Variants in PALS2 observed in about 807,000 individuals in gnomAD.
PALS2 encodes protein PALS2.
PALS2 carries 27 observed loss-of-function variants against 61.6 expected under a neutral mutation model. That is an observed-to-expected ratio of 0.44 (90% CI 0.32 to 0.60). PALS2 has a LOEUF of 0.60. Ranked by LOEUF, PALS2 falls within the 20% of genes least tolerant of loss-of-function variation. The pLI, the probability that PALS2 is intolerant of heterozygous loss-of-function variation, is 0.05. For synonymous variants in PALS2, 236 were observed against 218.6 expected (o/e 1.08, Z -0.70); for missense variants, 554 against 639.4 (o/e 0.87, Z 1.44).
In PALS2 at chr7:24,650,727, T is replaced by G. The variant is rs937143118; in HGVS notation, c.651+15T>G. On this transcript the variant is annotated intron_variant, in intron 5 of 11. Coordinates refer to ENST00000222644, the MANE Select transcript of PALS2 (RefSeq NM_001303037.2). Reference sequence around the variant, plus strand: ...CTCCTCAACAGGTTAGTAATAAAATTTTTGGTAGTATTAAAAATACTTTCA... The same window carrying G: ...CTCCTCAACAGGTTAGTAATAAAATGTTTGGTAGTATTAAAAATACTTTCA... 2 of 1,458,894 alleles carry G rather than the reference T, an allele frequency of 1.4e-6. No individual in the cohort carries two copies. Among genetic ancestry groups the G allele is most frequent in the Non-Finnish European group, 1.9e-6 (2 of 1,074,094 alleles). The allele number at this position is 1,458,894 out of a possible 1,614,324, so 90.4% of individuals were successfully genotyped here.
chr7:24,675,814 C>T (rs2128028300), intron 9 of PALS2, among the ~76,000 whole-genome samples: 1 of 122,710 alleles, frequency 8.1e-6, no homozygotes, highest in East Asian at 2.7e-4. Context: ...GGATTGGTTC[C>T]AAGTCTTTGC....
At chr7:24,597,884 G>GA (rs1783580670) in intron 1 of PALS2, among the ~76,000 whole-genome samples, 1 of 152,106 alleles carries the variant, frequency 6.6e-6, no homozygotes, top group Admixed American at 6.6e-5. Flanking sequence ...GAGAACTTGA[G>GA]AAGGGGCAAG....
chr7:24,679,866 A>G (rs1787825768), intron 10 of PALS2, among the ~76,000 whole-genome samples: 1 of 152,084 alleles, frequency 6.6e-6, no homozygotes, highest in Non-Finnish European at 1.5e-5. Context: ...TGCCTTAAAT[A>G]CAAATATATA....
chr7:24,590,845 CTTT>C (rs35467271), intron 1 of PALS2, among the ~76,000 whole-genome samples: 17 of 133,202 alleles, frequency 1.3e-4, no homozygotes, highest in Non-Finnish European at 2.0e-4. Flanking sequence ...TTCTTGGGGA[CTTT>C]TTTTTTTTTT....
intron 5 of PALS2, among the ~76,000 whole-genome samples, chr7:24,653,935 T>C (rs1786286675): frequency 6.6e-6 from 1 of 152,176 alleles, no homozygotes; most frequent in African/African-American, 2.4e-5. Context: ...GATGGAAAAG[T>C]ACCACTTACT....
chr7:24,579,632 G>C (rs55782418), intron 1 of PALS2, among the ~76,000 whole-genome samples: 8,456 of 151,708 alleles, frequency 0.056, 317 homozygotes, highest in African/African-American at 0.1. Context: ...CCGATACTTT[G>C]TATCCTTCAC....
intron 2 of PALS2, among the ~76,000 whole-genome samples, chr7:24,641,216 T>C (rs1785535735): frequency 6.6e-6 from 1 of 152,068 alleles, no homozygotes; most frequent in African/African-American, 2.4e-5. Context: ...CCACTGATTT[T>C]CAACATTGGA....
At chr7:24,588,239 A>G (rs1234970401) in intron 1 of PALS2, among the ~76,000 whole-genome samples, 1 of 152,186 alleles carries the variant, frequency 6.6e-6, no homozygotes, top group African/African-American at 2.4e-5. Flanking sequence ...GCTTGACCAG[A>G]TATCATCCTA....
intron 2 of PALS2, 37 bp from the exon 3 acceptor site, chr7:24,641,675 CAAAT>C (rs760042367): frequency 6.8e-6 from 10 of 1,475,820 alleles, no homozygotes; most frequent in East Asian, 4.6e-5. Flanking sequence ...GTGCAAATAA[CAAAT>C]AAGTATTACT....
Position 24,573,832 on chromosome 7 carries a change from G to A in PALS2, c.-3+239G>A, listed in dbSNP as rs895054937. The stretch of plus-strand genomic sequence containing the variant: ...CCGGCCCGCGCGGAAGGGGCGCTCG[G>A]CCGGGCTCCTGCCTCTCTGGCTGCG... On this transcript the variant is annotated intron_variant, in intron 1 of 11. Transcript: ENST00000222644. The surrounding 1 kb of genome is among the most constrained non-coding windows in gnomAD (Gnocchi z 5.3). 6.7e-6 allele frequency among the ~76,000 whole-genome samples: 1 copy of A among 150,094 alleles called. No individual in the cohort carries two copies. The highest frequency in any genetic ancestry group is 2.4e-5 in the African/African-American group (1 of 41,192).
At chr7:24,580,038 C>T (rs913302037) in intron 1 of PALS2, among the ~76,000 whole-genome samples, 2 of 151,952 alleles carry the variant, frequency 1.3e-5, no homozygotes, top group African/African-American at 2.4e-5. Context: ...GACTGGGGGC[C>T]ATATGCTTAG....
At chr7:24,623,915 A>AC in intron 2 of PALS2, 131 bp downstream of exon 2, 1 of 950,486 alleles carries the variant, frequency 1.1e-6, no homozygotes, top group Non-Finnish European at 1.6e-6. Context: ...AACATTCAGC[A>AC]CATAATGAAA....
At chr7:24,652,834 A>C (rs1023457896) in intron 5 of PALS2, among the ~76,000 whole-genome samples, 3 of 152,200 alleles carry the variant, frequency 2.0e-5, no homozygotes, top group Admixed American at 6.5e-5. Flanking sequence ...GTTTTTCAAA[A>C]GCATAGTCAG....
chr7:24,648,020 G>T (rs140731848), intron 3 of PALS2, among the ~76,000 whole-genome samples: 3 of 152,118 alleles, frequency 2.0e-5, no homozygotes, highest in African/African-American at 7.2e-5. Flanking sequence ...ACTAAGCAGC[G>T]CAGGTTAGCA....
chr7:24,681,520 C>T (rs1183179889), intron 11 of PALS2, among the ~76,000 whole-genome samples: 3 of 150,610 alleles, frequency 2.0e-5, no homozygotes, highest in South Asian at 2.1e-4. Flanking sequence ...TTGAGTTTCT[C>T]CAAGATTTTT....
At position 24,687,084 on chromosome 7, in the gene PALS2, C is replaced by T. The variant is rs767710960; in HGVS notation, c.1447-354C>T. Among the ~76,000 whole-genome samples, 2 of 152,176 alleles carry T rather than the reference C, an allele frequency of 1.3e-5. No individual in the cohort carries two copies. Among genetic ancestry groups the T allele is most frequent in the Admixed American group, 6.5e-5 (1 of 15,276 alleles). On this transcript the variant is annotated intron_variant, in intron 11 of 11. Transcript: ENST00000222644. The surrounding 1 kb of genome is among the most constrained non-coding windows in gnomAD (Gnocchi z 4.5). Reference sequence around the variant, plus strand: ...CATGGGCCATGAGATAAAAATCTTTCGAAAAGGATGATATAGTGGAGCTGG... The same window carrying T: ...CATGGGCCATGAGATAAAAATCTTTTGAAAAGGATGATATAGTGGAGCTGG...
At chr7:24,681,972 G>C (rs1009980550) in intron 11 of PALS2, among the ~76,000 whole-genome samples, 3 of 152,122 alleles carry the variant, frequency 2.0e-5, no homozygotes, top group African/African-American at 4.8e-5. Flanking sequence ...TTCTGGATTG[G>C]TTTTGATTGA....
At chr7:24,642,803 C>T (rs1206790671) in intron 3 of PALS2, among the ~76,000 whole-genome samples, 1 of 152,040 alleles carries the variant, frequency 6.6e-6, no homozygotes, top group Admixed American at 6.6e-5. Context: ...AGAGACATAT[C>T]CTGTGCAGGT....
chr7:24,673,866 T>A (rs376360575), intron 9 of PALS2, among the ~76,000 whole-genome samples: 1 of 152,124 alleles, frequency 6.6e-6, no homozygotes, highest in Admixed American at 6.6e-5. Context: ...GAAATTAGAT[T>A]ATTGATTTGA....
Sources: gnomAD v4.1 joint callset for allele counts (sites outside exome capture counted in the v4.1 genomes callset) on GRCh38, gnomAD v4.1.1 for gene constraint, Gnocchi (gnomAD v3.1) non-coding constraint, MANE v1.5 for transcripts, NCBI Gene and HGNC (gene_info 2026-07-23, HGNC 2026-07-21) for gene names.